Variants in ZFAT observed in about 807,000 individuals in gnomAD.
The protein encoded by ZFAT is zinc finger protein ZFAT.
A neutral mutation model predicts 117.7 loss-of-function variants in ZFAT; 64 were observed. The observed-to-expected ratio is 0.54, with a 90% CI of 0.44 to 0.67. ZFAT has a LOEUF of 0.67. Among genes scored for constraint, ZFAT ranks in the 30% least tolerant of loss-of-function variants. ZFAT has a pLI of 0.00. For missense variants in ZFAT, 1,433 were observed against 1,584.5 expected (o/e 0.90, Z 1.62); for synonymous variants, 679 against 615.0 (o/e 1.10, Z -1.54).
chr8:134,608,558 G>A (rs80333616), intron 5 of ZFAT, among the ~76,000 whole-genome samples, 171 bp downstream of exon 5: 2,033 of 152,220 alleles, frequency 0.013, 19 homozygotes, highest in Non-Finnish European at 0.02. Flanking sequence ...CGAGCACACC[G>A]AGGGCTGCCA....
intron 11 of ZFAT, among the ~76,000 whole-genome samples, chr8:134,535,618 G>T (rs192354390): frequency 8.6e-5 from 13 of 151,602 alleles, no homozygotes; most frequent in Non-Finnish European, 1.6e-4. Context: ...GCTTTGTGCC[G>T]CACCGCATGT....
Position 134,584,057 on chromosome 8 carries a change from T to C in ZFAT, c.2714-52A>G. 5 of 1,504,698 alleles carry C rather than the reference T, an allele frequency of 3.3e-6. No homozygotes were observed. In the East Asian group the frequency reaches 7.4e-5, roughly 22 times the overall value. The allele number at this position is 1,504,698 out of a possible 1,614,324, so 93.2% of individuals were successfully genotyped here. The stretch of plus-strand genomic sequence containing the variant: ...CTATATATTTACATACGTTTATGCA[T>C]ATGTGTGAATCTGAAGGAATATATA... On this transcript the variant is annotated intron_variant, in intron 9 of 15. Coordinates refer to ENST00000377838, the MANE Select transcript of ZFAT (RefSeq NM_020863.4).
chr8:134,572,634 C>T (rs928691760), intron 10 of ZFAT, among the ~76,000 whole-genome samples: 9 of 152,208 alleles, frequency 5.9e-5, no homozygotes, highest in African/African-American at 1.4e-4. Flanking sequence ...CAGGAGTAGT[C>T]GCTTCTTTTC....
intron 1 of ZFAT, among the ~76,000 whole-genome samples, chr8:134,671,213 A>T (rs867985891): frequency 4.6e-5 from 7 of 152,354 alleles, no homozygotes; most frequent in Middle Eastern, 6.8e-3. Flanking sequence ...AAACTGTTCC[A>T]ATCAATAGAA....
At chr8:134,774,246 A>ACC in the ZFAT span, among the ~76,000 whole-genome samples, 3 of 151,514 alleles carry the variant, frequency 2.0e-5, no homozygotes, top group Admixed American at 6.6e-5. Flanking sequence ...ATCCACCTGC[A>ACC]TCGGCCTCCC....
intron 13 of ZFAT, among the ~76,000 whole-genome samples, chr8:134,519,552 T>C (rs992401173): frequency 3.3e-5 from 5 of 152,268 alleles, no homozygotes; most frequent in African/African-American, 1.2e-4. Context: ...GATATTTTAA[T>C]CTGCTGCTTT....
At chr8:134,520,737 A>G (rs1820597272) in intron 13 of ZFAT, 146 bp downstream of exon 13, 1 of 637,960 alleles carries the variant, frequency 1.6e-6, no homozygotes, top group Non-Finnish European at 2.7e-6. Flanking sequence ...CAGACGCGAG[A>G]CATCATTTGA....
the ZFAT span, among the ~76,000 whole-genome samples, chr8:134,724,282 C>T: frequency 6.6e-6 from 1 of 152,126 alleles, no homozygotes; most frequent in Non-Finnish European, 1.5e-5. Context: ...GAGCTCCAAG[C>T]CCAGTCAAGG....
chr8:134,550,176 G>C (rs189509108), intron 11 of ZFAT, among the ~76,000 whole-genome samples: 1 of 152,198 alleles, frequency 6.6e-6, no homozygotes, highest in African/African-American at 2.4e-5. Flanking sequence ...GAGGCTCAAG[G>C]CCGAGTCCAC....
At chr8:134,660,147 A>C (rs1831854993) in intron 1 of ZFAT, among the ~76,000 whole-genome samples, 1 of 152,186 alleles carries the variant, frequency 6.6e-6, no homozygotes, top group Non-Finnish European at 1.5e-5. Flanking sequence ...CAATAATCCA[A>C]TGATTTAGGC....
At position 134,600,432 on chromosome 8, in the gene ZFAT, T is replaced by C; in HGVS notation, c.2475+4A>G. On this transcript the variant is annotated splice_donor_region_variant and intron_variant, in intron 7 of 15. Coordinates refer to ENST00000377838, the MANE Select transcript of ZFAT (RefSeq NM_020863.4). ...CGGGGCTGCCGCTTGGGCTTGCTAC[T>C]TACCAGTGCTGTGTGAACTTTAAGA... The C allele has an allele frequency of 6.2e-7, 1 of 1,613,920 alleles. No individual in the cohort carries two copies. The highest frequency in any genetic ancestry group is 8.5e-7 in the Non-Finnish European group (1 of 1,179,760).
chr8:134,552,871 T>A (rs1246113795), intron 11 of ZFAT, among the ~76,000 whole-genome samples: 1 of 152,260 alleles, frequency 6.6e-6, no homozygotes, highest in Non-Finnish European at 1.5e-5. Context: ...TCCCTTTTTG[T>A]GGACTTGCAC....
chr8:134,629,847 C>T (rs936179310), intron 3 of ZFAT, among the ~76,000 whole-genome samples: 2 of 152,162 alleles, frequency 1.3e-5, no homozygotes, highest in African/African-American at 4.8e-5. Flanking sequence ...CGGACTAATA[C>T]ACTGGCAAGT....
At chr8:134,530,199 G>A (rs1821309199) in intron 12 of ZFAT, among the ~76,000 whole-genome samples, 1 of 152,188 alleles carries the variant, frequency 6.6e-6, no homozygotes, top group African/African-American at 2.4e-5. Flanking sequence ...CATGTTATTT[G>A]TGTTTTTTAT....
intron 10 of ZFAT, among the ~76,000 whole-genome samples, chr8:134,580,609 A>G (rs12546482): frequency 0.17 from 25,630 of 152,248 alleles, 2,338 homozygotes; most frequent in Admixed American, 0.26. Context: ...GGATAAAAAT[A>G]AAGTTAATTA....
intron 5 of ZFAT, among the ~76,000 whole-genome samples, chr8:134,606,121 GAA>G (rs1327386844): frequency 1.3e-5 from 2 of 152,214 alleles, no homozygotes; most frequent in Non-Finnish European, 2.9e-5. Context: ...CTAAGGAAGT[GAA>G]AAGAGGCCCA....
chr8:134,819,658 C>G, the ZFAT span, among the ~76,000 whole-genome samples: 1 of 152,090 alleles, frequency 6.6e-6, no homozygotes, highest in Non-Finnish European at 1.5e-5. Flanking sequence ...AATATTGGTG[C>G]TCTTCAGATC....
intron 1 of ZFAT, among the ~76,000 whole-genome samples, chr8:134,681,602 T>C (rs1175878999): frequency 2.6e-5 from 4 of 152,220 alleles, no homozygotes; most frequent in African/African-American, 7.2e-5. Flanking sequence ...TCTTACTTCT[T>C]CTCCTTGATT....
chr8:134,543,344 C>T (rs1822428033), intron 11 of ZFAT, among the ~76,000 whole-genome samples: 2 of 152,278 alleles, frequency 1.3e-5, no homozygotes, highest in African/African-American at 4.8e-5. Context: ...GACCTGCCCA[C>T]ACCTCTCTGT....
Sources: allele counts gnomAD v4.1 joint callset (sites outside exome capture counted in the v4.1 genomes callset), GRCh38; gene constraint gnomAD v4.1.1; transcripts MANE v1.5; gene names NCBI Gene and HGNC (gene_info 2026-07-23, HGNC 2026-07-21).